The following SH3D19 variants were observed in gnomAD, a reference collection of about 807,000 sequenced individuals.
SH3D19 encodes SH3 domain containing 19, also known as SH3 domain-containing protein 19.
A neutral mutation model predicts 112.1 loss-of-function variants in SH3D19; 58 were observed. The observed-to-expected ratio is 0.52, with a 90% CI of 0.42 to 0.64. The LOEUF (loss-of-function observed/expected upper bound fraction) is 0.64, where lower values mean the gene tolerates loss of function less well. Ranked by LOEUF, SH3D19 falls within the 30% of genes least tolerant of loss-of-function variation. The probability of loss-of-function intolerance (pLI) is 0.00; values close to 1 mark genes in which losing one functional copy is unlikely to be tolerated. For missense variants in SH3D19, 1,090 were observed against 1,263.4 expected (o/e 0.86, Z 2.08); for synonymous variants, 391 against 448.5 (o/e 0.87, Z 1.62).
At chr4:151,180,649 A>G (rs1012122154) in intron 3 of SH3D19, among the ~76,000 whole-genome samples, 11 of 146,372 alleles carry the variant, frequency 7.5e-5, no homozygotes, top group East Asian at 2.1e-4. Context: ...CTTGTGATCC[A>G]CCCGCCTTGG....
intron 1 of SH3D19, chr4:151,279,144 G>T: frequency 2.3e-6 from 1 of 430,568 alleles, no homozygotes; most frequent in Non-Finnish European, 4.6e-6. Context: ...CCCTGCAGCA[G>T]CATCTTGGCC....
intron 2 of SH3D19, among the ~76,000 whole-genome samples, chr4:151,204,435 A>G (rs1417479739): frequency 6.6e-6 from 1 of 152,224 alleles, no homozygotes; most frequent in Non-Finnish European, 1.5e-5. Flanking sequence ...AATCAGGGTG[A>G]AGAAAAATTT....
intron 1 of SH3D19, among the ~76,000 whole-genome samples, chr4:151,242,060 G>T (rs920623155): frequency 6.6e-6 from 1 of 151,870 alleles, no homozygotes; most frequent in Non-Finnish European, 1.5e-5. Flanking sequence ...GCATGGTGGT[G>T]CAAGCCTGCA....
At chr4:151,204,108 A>G (rs1764768380) in intron 2 of SH3D19, among the ~76,000 whole-genome samples, 1 of 152,178 alleles carries the variant, frequency 6.6e-6, no homozygotes, top group Non-Finnish European at 1.5e-5. Flanking sequence ...CTACTTCTCC[A>G]TGTTTTATTT....
At chr4:151,256,512 G>T (rs1771932774) in intron 1 of SH3D19, among the ~76,000 whole-genome samples, 1 of 152,148 alleles carries the variant, frequency 6.6e-6, no homozygotes, top group Non-Finnish European at 1.5e-5. Context: ...GATTCAAAAT[G>T]ATGGTGTTCG....
At chr4:151,139,730 C>T (rs1415445081) in intron 13 of SH3D19, 45 bp downstream of exon 13, 6 of 1,567,872 alleles carry the variant, frequency 3.8e-6, no homozygotes, top group Non-Finnish European at 5.3e-6. Flanking sequence ...AAAAGACTTA[C>T]TCCTGGATCC....
intron 1 of SH3D19, among the ~76,000 whole-genome samples, chr4:151,264,073 G>A (rs1019721443): frequency 3.3e-5 from 5 of 152,076 alleles, no homozygotes; most frequent in Admixed American, 6.5e-5. Flanking sequence ...CCAAAGTACT[G>A]AGATTACAGG....
Position 151,324,387 on chromosome 4 carries a change from C to G in SH3D19, c.112+854G>C, listed in dbSNP as rs531178831. Among the ~76,000 whole-genome samples the G allele has an allele frequency of 6.6e-5, 10 of 152,334 alleles. No individual in the cohort carries two copies. In the South Asian group the frequency reaches 2.1e-3, roughly 32 times the overall value. On this transcript the variant is annotated intron_variant, in intron 1 of 19. Transcript: ENST00000604030. ...CTCAGTGAATCGTTCTCCTCCGACT[C>G]TCTCACTTCCCTATCTCCCTTTTGT...
chr4:151,156,464 A>G (rs1273828710), intron 9 of SH3D19, among the ~76,000 whole-genome samples: 2 of 152,252 alleles, frequency 1.3e-5, no homozygotes, highest in African/African-American at 4.8e-5. Context: ...TGGACCTAGC[A>G]TAATAACAGA....
chr4:151,215,950 C>T (rs148281695), intron 2 of SH3D19, among the ~76,000 whole-genome samples: 11 of 152,230 alleles, frequency 7.2e-5, no homozygotes, highest in African/African-American at 2.6e-4. Context: ...CTCAAGCCTC[C>T]TGAGTAGCTA....
chr4:151,157,966 C>T (rs996500695), intron 9 of SH3D19, among the ~76,000 whole-genome samples: 1 of 152,048 alleles, frequency 6.6e-6, no homozygotes, highest in South Asian at 2.1e-4. Context: ...AGATAGGGAG[C>T]TTTGTTAAAT....
intron 1 of SH3D19, among the ~76,000 whole-genome samples, chr4:151,249,533 AC>A (rs1221454607): frequency 6.6e-6 from 1 of 152,156 alleles, no homozygotes; most frequent in Non-Finnish European, 1.5e-5. Context: ...GATCCCAAAA[AC>A]CTGAATATTG....
intron 6 of SH3D19, 149 bp downstream of exon 6, chr4:151,176,385 A>G (rs975987908): frequency 1.7e-5 from 9 of 534,026 alleles, no homozygotes; most frequent in Non-Finnish European, 2.6e-5. Flanking sequence ...TGCACACCCA[A>G]ATAAAGCAAG....
intron 1 of SH3D19, among the ~76,000 whole-genome samples, chr4:151,278,251 C>G (rs552514895): frequency 8.8e-4 from 134 of 152,084 alleles, no homozygotes; most frequent in Non-Finnish European, 1.6e-3. Flanking sequence ...CAAGTAAAAG[C>G]TAAATTTGAA....
At chr4:151,321,989 A>G (rs1301735528) in intron 1 of SH3D19, among the ~76,000 whole-genome samples, 1 of 152,180 alleles carries the variant, frequency 6.6e-6, no homozygotes, top group African/African-American at 2.4e-5. Context: ...AGGTCAGGCA[A>G]TTAAGGATCT....
At chr4:151,159,975 T>C (rs1257369724) in intron 8 of SH3D19, among the ~76,000 whole-genome samples, 1 of 152,154 alleles carries the variant, frequency 6.6e-6, no homozygotes, top group Non-Finnish European at 1.5e-5. Context: ...AATTGTCAGA[T>C]CCATTGTTTT....
intron 2 of SH3D19, among the ~76,000 whole-genome samples, chr4:151,216,690 C>T (rs1010226443): frequency 1.3e-5 from 2 of 152,110 alleles, no homozygotes; most frequent in African/African-American, 4.8e-5. Flanking sequence ...AAGTTAACTG[C>T]CTGCTGATAG....
chr4:151,276,664 T>C (rs2150002473), intron 1 of SH3D19, among the ~76,000 whole-genome samples: 1 of 152,270 alleles, frequency 6.6e-6, no homozygotes, highest in South Asian at 2.1e-4. Context: ...CACTCTAAAA[T>C]AAATTTCCTG....
rs1281353837 is a variant in SH3D19 at position 151,239,691 on chromosome 4, A to C, written c.113-13605T>G. Among the ~76,000 whole-genome samples, 3 of 152,220 alleles carry C rather than the reference A, an allele frequency of 2.0e-5. No homozygotes were observed. The East Asian group carries it at 5.8e-4, about 29-fold the overall frequency. ...TGTAATCTAAAAAATATGTTGACAG[A>C]ATTTTAAAGAACACAAGTCAAAAAC... On this transcript the variant is annotated intron_variant, in intron 1 of 19. Transcript: ENST00000604030.
Sources: gnomAD v4.1 joint callset for allele counts (sites outside exome capture counted in the v4.1 genomes callset) on GRCh38, gnomAD v4.1.1 for gene constraint, MANE v1.5 for transcripts, NCBI Gene and HGNC (gene_info 2026-07-23, HGNC 2026-07-21) for gene names.